Variants in PHACTR3 observed in about 807,000 individuals in gnomAD.
The protein encoded by PHACTR3 is phosphatase and actin regulator 3, also known as protein phosphatase 1, regulatory subunit 123.
A neutral mutation model predicts 66.8 loss-of-function variants in PHACTR3; 16 were observed. The ratio of observed to expected loss-of-function variants is 0.24; its 90% CI spans 0.16 to 0.36. The LOEUF is 0.36. Among genes scored for constraint, PHACTR3 ranks in the 10% least tolerant of loss-of-function variants. PHACTR3 has a pLI of 1.00. For missense variants in PHACTR3, 647 were observed against 719.9 expected, an observed-to-expected ratio of 0.90 and a Z score of 1.16; for synonymous variants, 323 against 292.1, an observed-to-expected ratio of 1.11 and a Z score of -1.08.
At chr20:59,839,680 G>C (rs909382740) in intron 9 of PHACTR3, among the ~76,000 whole-genome samples, 1 of 152,178 alleles carries the variant, frequency 6.6e-6, no homozygotes, top group South Asian at 2.1e-4. Context: ...TGCGAGCACA[G>C]CTTGAATGTT....
intron 1 of PHACTR3, among the ~76,000 whole-genome samples, chr20:59,679,592 G>A (rs1045066601): frequency 6.6e-6 from 1 of 152,182 alleles, no homozygotes; most frequent in Non-Finnish European, 1.5e-5. Context: ...CATCGGTACT[G>A]TATTAGTCCA....
intron 1 of PHACTR3, among the ~76,000 whole-genome samples, chr20:59,706,374 T>C (rs757505904): frequency 6.6e-6 from 1 of 152,220 alleles, no homozygotes; most frequent in Non-Finnish European, 1.5e-5. Flanking sequence ...GCAGCACGTT[T>C]CAGCTGTGTG....
exon 1 of PHACTR3, chr20:59,577,592 C>A: frequency 8.3e-7 from 1 of 1,208,436 alleles, no homozygotes; most frequent in South Asian, 4.1e-5. Flanking sequence ...GGGACGCTGC[C>A]GCCGCCGCCC....
At chr20:59,693,797 C>T (rs1159703056) in intron 1 of PHACTR3, among the ~76,000 whole-genome samples, 1 of 152,140 alleles carries the variant, frequency 6.6e-6, no homozygotes, top group African/African-American at 2.4e-5. Flanking sequence ...ATGACTCAAC[C>T]CTCTTCTGTA....
chr20:59,723,484 CTCTT>C (rs1401740240), intron 1 of PHACTR3, among the ~76,000 whole-genome samples: 1 of 152,180 alleles, frequency 6.6e-6, no homozygotes, highest in African/African-American at 2.4e-5. Context: ...AGACCATACT[CTCTT>C]TATCCATTCA....
chr20:59,788,127 C>T (rs2040977267), intron 7 of PHACTR3, among the ~76,000 whole-genome samples: 1 of 152,188 alleles, frequency 6.6e-6, no homozygotes, highest in Non-Finnish European at 1.5e-5. Context: ...CCCCAAGACC[C>T]CAATGTCCAT....
intron 1 of PHACTR3, chr20:59,626,368 G>C (rs1244071044): frequency 6.6e-6 from 1 of 152,572 alleles, no homozygotes; most frequent in Admixed American, 6.5e-5. Flanking sequence ...AGTGAGGCTG[G>C]AGGAATGAGA....
chr20:59,651,984 C>T (rs1404563543), intron 1 of PHACTR3, among the ~76,000 whole-genome samples: 1 of 152,204 alleles, frequency 6.6e-6, no homozygotes. Flanking sequence ...AATCTGCTGT[C>T]TGCAAGATGG....
At chr20:59,683,330 T>C (rs1054706130) in intron 1 of PHACTR3, among the ~76,000 whole-genome samples, 3 of 152,190 alleles carry the variant, frequency 2.0e-5, no homozygotes, top group Admixed American at 6.5e-5. Flanking sequence ...GCTGCACAAC[T>C]CTGTGCTTGG....
At chr20:59,755,705 C>T (rs1427670210) in intron 4 of PHACTR3, among the ~76,000 whole-genome samples, 1 of 152,162 alleles carries the variant, frequency 6.6e-6, no homozygotes, top group Non-Finnish European at 1.5e-5. Flanking sequence ...GGCAAGTGCC[C>T]AGTGGGGGGA....
intron 10 of PHACTR3, among the ~76,000 whole-genome samples, chr20:59,841,053 C>T (rs536749782): frequency 2.0e-5 from 3 of 152,264 alleles, no homozygotes; most frequent in East Asian, 1.9e-4. Flanking sequence ...CATATAATAA[C>T]TTTATTAGTA....
At chr20:59,659,639 G>A (rs767812735) in intron 1 of PHACTR3, among the ~76,000 whole-genome samples, 7 of 152,130 alleles carry the variant, frequency 4.6e-5, no homozygotes, top group Non-Finnish European at 7.3e-5. Context: ...CCAAAGTGCT[G>A]GGATTACAGG....
intron 1 of PHACTR3, among the ~76,000 whole-genome samples, chr20:59,656,219 A>T (rs866986675): frequency 6.6e-6 from 1 of 151,772 alleles, no homozygotes; most frequent in Non-Finnish European, 1.5e-5. Context: ...CTGCCCACTT[A>T]TTCTATTCAT....
intron 1 of PHACTR3, among the ~76,000 whole-genome samples, chr20:59,646,905 T>A (rs1336506466): frequency 1.3e-5 from 2 of 152,208 alleles, no homozygotes; most frequent in Non-Finnish European, 2.9e-5. Flanking sequence ...ATGCCCGTGT[T>A]GTGGGAGGAA....
chr20:59,686,989 G>T (rs915377176), intron 1 of PHACTR3, among the ~76,000 whole-genome samples: 3 of 141,508 alleles, frequency 2.1e-5, no homozygotes, highest in Admixed American at 1.4e-4. Flanking sequence ...GGTGATGATT[G>T]TGATGATGGT....
intron 1 of PHACTR3, among the ~76,000 whole-genome samples, chr20:59,737,536 GTGCATGTGCA>G (rs992397742): frequency 2.5e-4 from 37 of 150,642 alleles, no homozygotes; most frequent in African/African-American, 9.0e-4. Flanking sequence ...ATGTGTGTGC[GTGCATGTGCA>G]TGTGTGTGTC....
At chr20:59,805,940 C>T in intron 7 of PHACTR3, 101 bp from the exon 8 acceptor site, 1 of 1,315,058 alleles carries the variant, frequency 7.6e-7, no homozygotes, top group Non-Finnish European at 1.1e-6. Context: ...GTCTGGAGTC[C>T]TTCCTCTGGC....
intron 1 of PHACTR3, among the ~76,000 whole-genome samples, chr20:59,629,077 T>G (rs74998510): frequency 0.027 from 4,122 of 152,296 alleles, 76 homozygotes; most frequent in Middle Eastern, 0.071. Context: ...TGAATGAAAT[T>G]TTATCACACC....
intron 1 of PHACTR3, among the ~76,000 whole-genome samples, chr20:59,648,998 A>G (rs1460478438): frequency 6.6e-6 from 1 of 152,210 alleles, no homozygotes; most frequent in Non-Finnish European, 1.5e-5. Context: ...TCGAAGCATC[A>G]GTTTCCTTTG....
Sources: allele counts gnomAD v4.1 joint callset (sites outside exome capture counted in the v4.1 genomes callset), GRCh38; gene constraint gnomAD v4.1.1; transcripts MANE v1.5; gene names NCBI Gene and HGNC (gene_info 2026-07-23, HGNC 2026-07-21).